The following PIP4K2B variants were observed in gnomAD, a reference collection of about 807,000 sequenced individuals.
PIP4K2B encodes phosphatidylinositol-5-phosphate 4-kinase type 2 beta, also known as phosphatidylinositol 5-phosphate 4-kinase type-2 beta.
PIP4K2B carries 3 observed loss-of-function variants against 42.0 expected under a neutral mutation model. The observed-to-expected ratio is 0.07, with a 90% CI of 0.03 to 0.18. The LOEUF (loss-of-function observed/expected upper bound fraction) is 0.18. Among genes scored for constraint, PIP4K2B ranks in the 10% least tolerant of loss-of-function variants. The pLI is 1.00. For missense variants in PIP4K2B, 332 were observed against 562.3 expected (o/e 0.59, Z 4.14); for synonymous variants, 204 against 210.1 (o/e 0.97, Z 0.25).
chr17:38,797,966 T>C (rs1209111401), intron 1 of PIP4K2B, among the ~76,000 whole-genome samples: 1 of 152,178 alleles, frequency 6.6e-6, no homozygotes, highest in East Asian at 1.9e-4. Context: ...AACAGTAACC[T>C]GCCCAAGACC....
intron 1 of PIP4K2B, among the ~76,000 whole-genome samples, chr17:38,793,351 C>G (rs1371937070): frequency 6.6e-6 from 1 of 151,272 alleles, no homozygotes; most frequent in South Asian, 2.1e-4. Context: ...TCAAGTGATT[C>G]TCCTGCCTCA....
At chr17:38,769,913 G>GACC (rs1414821158) in intron 9 of PIP4K2B, 142 bp from the exon 10 acceptor site, 2 of 712,352 alleles carry the variant, frequency 2.8e-6, no homozygotes, top group African/African-American at 3.5e-5. Flanking sequence ...AGACTGAGCA[G>GACC]ACCACCTCAG....
rs1170577705 is a variant in PIP4K2B at position 38,776,684 on chromosome 17, T to A, written c.807+1003A>T. The stretch of plus-strand genomic sequence containing the variant: ...AAAACACCTATTATTATATGTATTT[T>A]ACCACAATTAAAAAAAATTTTTTTT... On this transcript the variant is annotated intron_variant, in intron 7 of 9. Transcript: ENST00000619039. 9.9e-6 allele frequency: 4 copies of A among 405,144 alleles called. No homozygotes were observed. In the East Asian group the frequency reaches 2.9e-4, roughly 29 times the overall value. The allele number at this position is 405,144 out of a possible 1,614,324, so 25.1% of individuals were successfully genotyped here. A position where few individuals can be genotyped will look rare whatever the true frequency, so the allele number is the denominator to read the frequency against.
chr17:38,789,374 A>G (rs1910220996), intron 1 of PIP4K2B, among the ~76,000 whole-genome samples: 1 of 152,240 alleles, frequency 6.6e-6, no homozygotes, highest in Non-Finnish European at 1.5e-5. Context: ...CTCCCATCAC[A>G]GCAGAGTATT....
At chr17:38,778,808 G>A (rs572223752) in intron 5 of PIP4K2B, among the ~76,000 whole-genome samples, 2 of 152,176 alleles carry the variant, frequency 1.3e-5, no homozygotes, top group African/African-American at 4.8e-5. Flanking sequence ...GAGCTCAGAA[G>A]GGTAAGGAGG....
At position 38,769,135 on chromosome 17, in the gene PIP4K2B, C is replaced by T. The variant is rs2241014; in HGVS notation, c.*556G>A. 8,557 of 153,204 alleles carry T rather than the reference C, an allele frequency of 0.056. 316 individuals carry two copies. Among genetic ancestry groups the T allele is most frequent in the South Asian group, 0.18 (896 of 4,846 alleles). 9.5% of individuals were successfully genotyped at this position (153,204 alleles called of 1,614,324 possible). A position where few individuals can be genotyped will look rare whatever the true frequency, so the allele number is the denominator to read the frequency against. ...TACTCCATAAATTACAAAGTTAATC[C>T]AGACAAGAGCAAATGCAGCAGGGCG... On this transcript the variant is annotated 3_prime_UTR_variant, in exon 10 of 10. Coordinates refer to ENST00000619039, the MANE Select transcript of PIP4K2B (RefSeq NM_003559.5).
chr17:38,790,483 G>A (rs1253579349), intron 1 of PIP4K2B, among the ~76,000 whole-genome samples: 2 of 152,160 alleles, frequency 1.3e-5, no homozygotes, highest in African/African-American at 4.8e-5. Flanking sequence ...TCAGAAGATC[G>A]AGTCTTGCTC....
chr17:38,786,198 G>A (rs1161951568), intron 2 of PIP4K2B, among the ~76,000 whole-genome samples: 1 of 152,184 alleles, frequency 6.6e-6, no homozygotes, highest in Non-Finnish European at 1.5e-5. Context: ...ATAGTCCTGG[G>A]GTGGTCCACA....
rs1399814708 is a variant in PIP4K2B at position 38,778,379 on chromosome 17, G to A, written c.655-7C>T. ...CTCTGGCAACCGTAGAACCCTGAAA[G>A]GATAAGAGCCATCAGGGGAAGTCAA... is the stretch of plus-strand genomic sequence containing the variant. On this transcript the variant is annotated splice_region_variant and splice_polypyrimidine_tract_variant and intron_variant, in intron 5 of 9. Coordinates refer to ENST00000619039, the MANE Select transcript of PIP4K2B (RefSeq NM_003559.5). The A allele has an allele frequency of 1.4e-5, 23 of 1,614,038 alleles. No individual in the cohort carries two copies. The highest frequency in any genetic ancestry group is 1.9e-5 in the Non-Finnish European group (23 of 1,179,900).
chr17:38,784,562 T>G (rs748012363), intron 2 of PIP4K2B, among the ~76,000 whole-genome samples: 1 of 152,168 alleles, frequency 6.6e-6, no homozygotes, highest in Non-Finnish European at 1.5e-5. Flanking sequence ...TTCAGAACTC[T>G]TCAAAGTGTG....
Position 38,799,283 on chromosome 17 carries a change from A to C in PIP4K2B, c.142T>G (p.Trp48Gly). ...CTGGTTACCGTGTGGTTCACCCCCC[A>C]CATCAGGACGCTGAGGATCGGCTCG... ...ASEPILSVLM[W>G]GVNHTINELS... Residue 48 changes from tryptophan to glycine, a missense_variant, in exon 1 of 10, where the codon TGG becomes GGG. By Grantham distance (184) the Trp-to-Gly change is radical. This residue lies in a region of PIP4K2B where 186 missense variants were observed against 288.4 expected (regional missense o/e 0.64). Coordinates refer to ENST00000619039, the MANE Select transcript of PIP4K2B (RefSeq NM_003559.5). The surrounding 1 kb of genome is among the most constrained non-coding windows in gnomAD (Gnocchi z 4.4). 1 of 1,604,220 alleles carries C rather than the reference A, an allele frequency of 6.2e-7. No homozygotes were observed. Among genetic ancestry groups the C allele is most frequent in the Non-Finnish European group, 8.5e-7 (1 of 1,176,332 alleles).
chr17:38,780,316 A>C, intron 4 of PIP4K2B, 136 bp downstream of exon 4: 1 of 629,850 alleles, frequency 1.6e-6, no homozygotes, highest in Middle Eastern at 3.9e-4. Context: ...CGGTTGCAGG[A>C]GAGTCCCACT....
In PIP4K2B at chr17:38,770,453, T is replaced by C; in HGVS notation, c.1153A>G (p.Lys385Glu). ...DTKKKAAHAA[K>E]TVKHGAGAEI... ...GGACTCACCCCGTGTTTCACCGTTT[T>C]GGCAGCATGTGCAGCTTTCTTCTTT... Residue 385 changes from lysine to glutamate, a missense_variant, in exon 9 of 10, where the codon AAA (lysine) becomes GAA (glutamate). Transcript: ENST00000619039. 6.2e-7 allele frequency: 1 copy of C among 1,610,098 alleles called. No homozygotes were observed. Among genetic ancestry groups the C allele is most frequent in the Non-Finnish European group, 8.5e-7 (1 of 1,176,632 alleles).
rs1345141625 is a variant in PIP4K2B, at chr17:38,769,257, G to A, written c.*434C>T. On this transcript the variant is annotated 3_prime_UTR_variant, in exon 10 of 10. Coordinates refer to ENST00000619039, the MANE Select transcript of PIP4K2B (RefSeq NM_003559.5). ...GGTATCTCTTTAATTGAAGGGAACT[G>A]AGAGCTCAGCAAAGATGGGGAGGGT... The A allele has an allele frequency of 5.6e-6, 1 of 177,818 alleles. No individual in the cohort carries two copies. Among genetic ancestry groups the A allele is most frequent in the African/African-American group, 2.4e-5 (1 of 42,184 alleles). 11.0% of individuals were successfully genotyped at this position (177,818 alleles called of 1,614,324 possible). A position where few individuals can be genotyped will look rare whatever the true frequency, so the allele number is the denominator to read the frequency against.
At chr17:38,789,830 TA>T (rs899908474) in intron 1 of PIP4K2B, among the ~76,000 whole-genome samples, 2 of 151,928 alleles carry the variant, frequency 1.3e-5, no homozygotes, top group Admixed American at 1.3e-4. Flanking sequence ...AGACACTAGG[TA>T]AACTGCTGGC....
At chr17:38,792,721 C>T (rs543356941) in intron 1 of PIP4K2B, 1 of 152,330 alleles carries the variant, frequency 6.6e-6, no homozygotes, top group East Asian at 1.9e-4. Flanking sequence ...TAGAAATACA[C>T]TCACAGGACC....
chr17:38,770,181 C>G lies in PIP4K2B; in HGVS notation c.1170+255G>C, dbSNP rs1234615209. On this transcript the variant is annotated intron_variant, in intron 9 of 9. Coordinates refer to ENST00000619039, the MANE Select transcript of PIP4K2B (RefSeq NM_003559.5). ...GCCCAGCAGGCCCTGGGGAAAGACA[C>G]TGGCAGGCTTGGCCCCGAGGGCTGG... Among the ~76,000 whole-genome samples, 3 of 152,322 alleles carry G rather than the reference C, an allele frequency of 2.0e-5. No individual in the cohort carries two copies. The East Asian group carries it at 5.8e-4, about 29-fold the overall frequency.
Sources: gnomAD v4.1 joint callset for allele counts (sites outside exome capture counted in the v4.1 genomes callset) on GRCh38, gnomAD v4.1.1 for gene constraint, gnomAD v4.1.1 regional missense constraint, Gnocchi (gnomAD v3.1) non-coding constraint, MANE v1.5 for transcripts, NCBI Gene and HGNC (gene_info 2026-07-23, HGNC 2026-07-21) for gene names.